Variants in NBAS observed in about 807,000 individuals in gnomAD.
NBAS encodes NAG/BC035112 fusion.
A neutral mutation model predicts 302.5 loss-of-function variants in NBAS; 219 were observed. The ratio of observed to expected loss-of-function variants is 0.72; its 90% CI spans 0.65 to 0.81. NBAS has a LOEUF of 0.81. Ranked by LOEUF, NBAS falls within the 30% of genes least tolerant of loss-of-function variation. NBAS has a pLI of 0.00. For missense variants in NBAS, 2,932 were observed against 2,841.6 expected (o/e 1.03, Z -0.72); for synonymous variants, 1,118 against 1,021.6 (o/e 1.09, Z -1.80).
chr2:15,546,201 G>A (rs1251170429), intron 6 of NBAS, among the ~76,000 whole-genome samples: 5 of 151,862 alleles, frequency 3.3e-5, no homozygotes, highest in Admixed American at 6.6e-5. Context: ...ACAGGTACAG[G>A]AAAATGTCTG....
intron 8 of NBAS, among the ~76,000 whole-genome samples, chr2:15,535,571 A>AATAAAT (rs1490488492): frequency 6.9e-6 from 1 of 145,450 alleles, no homozygotes; most frequent in African/African-American, 2.7e-5. Flanking sequence ...AATAAAAATA[A>AATAAAT]AAAAATAAAA....
the NBAS span, among the ~76,000 whole-genome samples, chr2:15,001,270 T>TTATA: frequency 1.3e-5 from 2 of 152,016 alleles, no homozygotes; most frequent in African/African-American, 4.8e-5. Flanking sequence ...GAGAGATATG[T>TTATA]TATATATATA....
At chr2:14,925,377 G>A in the NBAS span, among the ~76,000 whole-genome samples, 1 of 151,978 alleles carries the variant, frequency 6.6e-6, no homozygotes, top group Non-Finnish European at 1.5e-5. Context: ...ATAAACTCTC[G>A]AGCTCACTTC....
the NBAS span, among the ~76,000 whole-genome samples, chr2:14,830,279 CACATAATTAGCCTCATGTAATTA>C: frequency 5.1e-3 from 773 of 152,238 alleles, 4 homozygotes; most frequent in Admixed American, 7.5e-3. Flanking sequence ...AGGCGGGTCT[CACATAATTAGCCTCATGTAATTA>C]ACATAATTAG....
Position 15,468,513 on chromosome 2 carries a change from G to T in NBAS, c.1746C>A (p.Ser582=). ...QNYLSKIKKR[S]WVLHECLERV... ...TTTCCAAACACTCATGGAGAACCCAGGATCGCTTCTTTATTTTACTCTGCA... is the reference window on the plus strand; with the variant it reads ...TTTCCAAACACTCATGGAGAACCCATGATCGCTTCTTTATTTTACTCTGCA... The change falls in exon 17 of 52, where the codon TCC becomes TCA. Residue 582 remains serine, a synonymous_variant. Coordinates refer to ENST00000281513, the MANE Select transcript of NBAS (RefSeq NM_015909.4). The T allele has an allele frequency of 6.2e-7, 1 of 1,613,976 alleles. No homozygotes were observed. Among genetic ancestry groups the T allele is most frequent in the Admixed American group, 1.7e-5 (1 of 59,988 alleles).
intron 40 of NBAS, among the ~76,000 whole-genome samples, chr2:15,303,329 T>C (rs1427387339): frequency 1.3e-5 from 2 of 152,204 alleles, no homozygotes; most frequent in Non-Finnish European, 2.9e-5. Flanking sequence ...AACCCAGATG[T>C]ATTCTTTATA....
At chr2:15,155,977 C>T in the NBAS span, among the ~76,000 whole-genome samples, 1 of 152,194 alleles carries the variant, frequency 6.6e-6, no homozygotes, top group African/African-American at 2.4e-5. Context: ...CAAGGAAGAA[C>T]CCAGAGTCTT....
At chr2:15,254,467 T>C (rs571815680) in intron 44 of NBAS, among the ~76,000 whole-genome samples, 1 of 152,316 alleles carries the variant, frequency 6.6e-6, no homozygotes, top group African/African-American at 2.4e-5. Context: ...AGAAAGGTGA[T>C]TACACAGTGA....
Position 15,238,615 on chromosome 2 carries a change from T to C in NBAS, c.5796A>G (p.Pro1932=), listed in dbSNP as rs114901271. 9.9e-5 allele frequency: 159 copies of C among 1,613,574 alleles called. No individual in the cohort carries two copies. The African/African-American group carries it at 1.9e-3, about 19-fold the overall frequency. Residue 1932 remains proline (P), a synonymous_variant, in exon 45 of 52, where the codon CCA becomes CCG. Transcript: ENST00000281513. ...CTTCGTCTTCTGAGTTTCTTTTCCTTGGCTTCTCAATAAAATGTTTGACTG... is the reference window on the plus strand; with the variant it reads ...CTTCGTCTTCTGAGTTTCTTTTCCTCGGCTTCTCAATAAAATGTTTGACTG... ...IKTVKHFIEK[P]RKRNSEDEAQ...
chr2:15,520,198 T>TA (rs777043446), intron 9 of NBAS, among the ~76,000 whole-genome samples: 4 of 152,122 alleles, frequency 2.6e-5, no homozygotes, highest in Non-Finnish European at 5.9e-5. Flanking sequence ...AGCCAAGAGT[T>TA]AGAGACCAGC....
At chr2:15,418,870 G>T (rs547062587) in intron 23 of NBAS, among the ~76,000 whole-genome samples, 1 of 152,208 alleles carries the variant, frequency 6.6e-6, no homozygotes. Context: ...TAAGGAACAC[G>T]CAGCTGATCA....
chr2:14,945,633 C>T, the NBAS span, among the ~76,000 whole-genome samples: 1 of 151,734 alleles, frequency 6.6e-6, no homozygotes, highest in African/African-American at 2.4e-5. Flanking sequence ...GAGAAATGTA[C>T]ATGTTGAACT....
chr2:15,558,763 C>CTTT (rs1664768741), intron 1 of NBAS, 129 bp from the exon 2 acceptor site: 2 of 720,600 alleles, frequency 2.8e-6, no homozygotes, highest in Non-Finnish European at 4.9e-6. Context: ...GAAGCAGTGT[C>CTTT]TTAAAACTAC....
chr2:14,921,329 A>G, the NBAS span, among the ~76,000 whole-genome samples: 1 of 152,204 alleles, frequency 6.6e-6, no homozygotes, highest in Non-Finnish European at 1.5e-5. Context: ...ATGACTGATC[A>G]CAGATCACAA....
At chr2:15,435,655 T>C (rs1005693000) in intron 21 of NBAS, among the ~76,000 whole-genome samples, 1 of 152,208 alleles carries the variant, frequency 6.6e-6, no homozygotes, top group Non-Finnish European at 1.5e-5. Context: ...TTTTACTTAT[T>C]TGAATCCCGC....
the NBAS span, among the ~76,000 whole-genome samples, chr2:14,781,255 G>A: frequency 1.3e-5 from 2 of 152,132 alleles, no homozygotes; most frequent in Non-Finnish European, 2.9e-5. Context: ...CTCTGTCTCC[G>A]TAGTGCCTTT....
chr2:15,160,572 G>A, the NBAS span, among the ~76,000 whole-genome samples: 1 of 130,686 alleles, frequency 7.7e-6, no homozygotes, highest in African/African-American at 2.9e-5. Context: ...TGAGCAAGAA[G>A]TCCCAGTGTG....
chr2:15,440,288 C>A (rs1198351530), intron 21 of NBAS, among the ~76,000 whole-genome samples: 2 of 152,150 alleles, frequency 1.3e-5, no homozygotes, highest in South Asian at 4.1e-4. Context: ...CTTCACACGG[C>A]CCGGTACTCC....
the NBAS span, among the ~76,000 whole-genome samples, chr2:14,780,401 G>A: frequency 6.6e-6 from 1 of 152,214 alleles, no homozygotes; most frequent in African/African-American, 2.4e-5. Flanking sequence ...TGCAGGAAAT[G>A]AAATTCTGTG....
Sources: allele counts gnomAD v4.1 joint callset (sites outside exome capture counted in the v4.1 genomes callset), GRCh38; gene constraint gnomAD v4.1.1; transcripts MANE v1.5; gene names NCBI Gene and HGNC (gene_info 2026-07-23, HGNC 2026-07-21).